Variants in ARHGAP15 observed in about 807,000 individuals in gnomAD.
ARHGAP15 encodes the protein Rho GTPase activating protein 15.
A neutral mutation model predicts 63.7 loss-of-function variants in ARHGAP15; 51 were observed. The ratio of observed to expected loss-of-function variants is 0.80; its 90% CI spans 0.64 to 1.01. The LOEUF (loss-of-function observed/expected upper bound fraction) is 1.01, where lower values mean the gene tolerates loss of function less well. Among genes scored for constraint, ARHGAP15 ranks in the 50% least tolerant of loss-of-function variants. The pLI is 0.00. For synonymous variants in ARHGAP15, 191 were observed against 193.8 expected (o/e 0.99, Z 0.12); for missense variants, 560 against 564.6 (o/e 0.99, Z 0.08).
intron 6 of ARHGAP15, among the ~76,000 whole-genome samples, chr2:143,350,196 A>C (rs557126631): frequency 6.6e-6 from 1 of 152,090 alleles, no homozygotes; most frequent in African/African-American, 2.4e-5. Flanking sequence ...ATTCATGTTT[A>C]TAATTAGTTT....
rs114375430 is a variant in ARHGAP15 at position 143,170,504 on chromosome 2, C to T, written c.165+14849C>T. On this transcript the variant is annotated intron_variant, in intron 2 of 13. Coordinates refer to ENST00000295095, the MANE Select transcript of ARHGAP15 (RefSeq NM_018460.4). ...TGATACCAACCAAAACTCAAGCTTT[C>T]GACATGCTGGGGCACACTCTGTGTT... Among the ~76,000 whole-genome samples, 467 of 152,212 alleles carry T rather than the reference C, an allele frequency of 3.1e-3. 2 individuals carry two copies. Among genetic ancestry groups the T allele is most frequent in the African/African-American group, 0.011 (443 of 41,550 alleles).
intron 2 of ARHGAP15, among the ~76,000 whole-genome samples, chr2:143,195,138 T>C (rs888859046): frequency 6.6e-6 from 1 of 151,330 alleles, no homozygotes; most frequent in African/African-American, 2.4e-5. Context: ...GTGCCAGGGA[T>C]AAAAAAGAAA....
rs1693092688 is a variant in ARHGAP15, at chr2:143,502,162, A to G, written c.826+14667A>G. Among the ~76,000 whole-genome samples the G allele has an allele frequency of 2.0e-5, 3 of 152,140 alleles. No individual in the cohort carries two copies. In the South Asian group the frequency reaches 6.2e-4, roughly 32 times the overall value. The stretch of plus-strand genomic sequence containing the variant: ...AGTGGCTCACACCAGTAATCCCAGC[A>G]TTTTGGGAGGCTGAGGCGAGTGGAT... On this transcript the variant is annotated intron_variant, in intron 9 of 13. Coordinates refer to ENST00000295095, the MANE Select transcript of ARHGAP15 (RefSeq NM_018460.4).
At chr2:143,261,434 G>C (rs1357037009) in intron 6 of ARHGAP15, among the ~76,000 whole-genome samples, 1 of 145,560 alleles carries the variant, frequency 6.9e-6, no homozygotes, top group Non-Finnish European at 1.5e-5. Context: ...CGTCTCCTGA[G>C]TTCAAGCAAT....
At chr2:143,703,679 G>A (rs557239726) in intron 13 of ARHGAP15, 155 bp downstream of exon 13, 149 of 586,126 alleles carry the variant, frequency 2.5e-4, no homozygotes, top group Middle Eastern at 4.5e-4. Context: ...GCTGGAGAAT[G>A]TGTTAGGGAT....
At chr2:143,664,008 CAG>C (rs1681998053) in intron 12 of ARHGAP15, among the ~76,000 whole-genome samples, 1 of 151,188 alleles carries the variant, frequency 6.6e-6, no homozygotes, top group Non-Finnish European at 1.5e-5. Context: ...ATCAACGAGA[CAG>C]AAAGTCAACA....
At chr2:143,627,862 A>G (rs1274022059) in intron 12 of ARHGAP15, among the ~76,000 whole-genome samples, 1 of 151,984 alleles carries the variant, frequency 6.6e-6, no homozygotes, top group Non-Finnish European at 1.5e-5. Flanking sequence ...AAGAAGGTAC[A>G]TGTGTAGGTT....
chr2:143,458,048 C>T lies in ARHGAP15; in HGVS notation c.703+21006C>T, dbSNP rs1265659562. Among the ~76,000 whole-genome samples the T allele has an allele frequency of 2.0e-5, 3 of 152,054 alleles. No homozygotes were observed. In the East Asian group the frequency reaches 5.8e-4, roughly 29 times the overall value. Reference sequence around the variant, plus strand: ...CACTAAAAGTTATTTGGAAAGTAGTCTCTTAGGAATGAAATAAAAATAACT... The same window carrying T: ...CACTAAAAGTTATTTGGAAAGTAGTTTCTTAGGAATGAAATAAAAATAACT... On this transcript the variant is annotated intron_variant, in intron 8 of 13. Coordinates refer to ENST00000295095, the MANE Select transcript of ARHGAP15 (RefSeq NM_018460.4).
At chr2:143,174,891 G>C (rs1250335361) in intron 2 of ARHGAP15, among the ~76,000 whole-genome samples, 2 of 152,004 alleles carry the variant, frequency 1.3e-5, no homozygotes, top group Non-Finnish European at 2.9e-5. Flanking sequence ...CAATATTTTT[G>C]TAATTGATCA....
intron 6 of ARHGAP15, among the ~76,000 whole-genome samples, chr2:143,297,918 A>G (rs1242908473): frequency 6.6e-6 from 1 of 152,034 alleles, no homozygotes; most frequent in Non-Finnish European, 1.5e-5. Context: ...TGAACACAGT[A>G]TCTCATTTAA....
chr2:143,646,964 C>T (rs1427038610), intron 12 of ARHGAP15, among the ~76,000 whole-genome samples: 2 of 151,940 alleles, frequency 1.3e-5, no homozygotes, highest in Non-Finnish European at 1.5e-5. Flanking sequence ...TTTCTTTTCA[C>T]CCACATACTC....
chr2:143,649,921 C>T (rs1559102620), intron 12 of ARHGAP15, among the ~76,000 whole-genome samples: 1 of 151,914 alleles, frequency 6.6e-6, no homozygotes, highest in African/African-American at 2.4e-5. Context: ...GTACATTACA[C>T]TTTAGGGATT....
At chr2:143,300,218 C>CCAA (rs1682833862) in intron 6 of ARHGAP15, among the ~76,000 whole-genome samples, 3 of 151,966 alleles carry the variant, frequency 2.0e-5, no homozygotes, top group African/African-American at 7.2e-5. Flanking sequence ...CATGGAAATA[C>CCAA]ATCATTCAAT....
At chr2:143,635,765 A>G (rs1456732435) in intron 12 of ARHGAP15, among the ~76,000 whole-genome samples, 1 of 152,130 alleles carries the variant, frequency 6.6e-6, no homozygotes, top group Admixed American at 6.6e-5. Flanking sequence ...TGAATACACT[A>G]TTATAGAAAA....
intron 6 of ARHGAP15, among the ~76,000 whole-genome samples, chr2:143,263,259 C>T (rs1680819668): frequency 6.6e-6 from 1 of 152,120 alleles, no homozygotes; most frequent in East Asian, 1.9e-4. Flanking sequence ...GATCATGAAT[C>T]ACCCCACATT....
chr2:143,618,246 C>A (rs986360458), intron 11 of ARHGAP15, among the ~76,000 whole-genome samples: 2 of 152,186 alleles, frequency 1.3e-5, no homozygotes, highest in Admixed American at 1.3e-4. Flanking sequence ...AACTAAAAAT[C>A]TTCTATATCC....
chr2:143,502,994 A>T (rs1367222497), intron 9 of ARHGAP15, among the ~76,000 whole-genome samples: 2 of 152,198 alleles, frequency 1.3e-5, no homozygotes, highest in Non-Finnish European at 2.9e-5. Context: ...TCGATCAGAG[A>T]TCTGCTAGAG....
At chr2:143,753,085 C>A (rs1357269164) in intron 13 of ARHGAP15, among the ~76,000 whole-genome samples, 2 of 152,204 alleles carry the variant, frequency 1.3e-5, no homozygotes, top group Admixed American at 1.3e-4. Context: ...TTAGAGGTTA[C>A]AATGAGCTAT....
intron 13 of ARHGAP15, among the ~76,000 whole-genome samples, chr2:143,707,784 G>T (rs1684398039): frequency 6.6e-6 from 1 of 152,074 alleles, no homozygotes; most frequent in African/African-American, 2.4e-5. Flanking sequence ...TGTAGTTCAT[G>T]GTTTTTATTT....
Sources: allele counts gnomAD v4.1 joint callset (sites outside exome capture counted in the v4.1 genomes callset), GRCh38; gene constraint gnomAD v4.1.1; transcripts MANE v1.5; gene names NCBI Gene and HGNC (gene_info 2026-07-23, HGNC 2026-07-21).